The following SEC22C variants were observed in gnomAD, a reference collection of about 807,000 sequenced individuals.
The protein encoded by SEC22C is vesicle-trafficking protein SEC22c.
A neutral mutation model predicts 34.7 loss-of-function variants in SEC22C; 29 were observed. That is an observed-to-expected ratio of 0.84 (90% CI 0.62 to 1.14). SEC22C has a LOEUF of 1.14. Ranked by LOEUF, SEC22C falls within the 50% of genes most tolerant of loss-of-function variation. SEC22C has a pLI of 0.00. For synonymous variants in SEC22C, 117 were observed against 132.8 expected (o/e 0.88, Z 0.82); for missense variants, 337 against 369.0 (o/e 0.91, Z 0.71).
chr3:42,600,950 C>T (rs573986877), intron 1 of SEC22C: 259 of 1,438,268 alleles, frequency 1.8e-4, no homozygotes, highest in Non-Finnish European at 2.3e-4. Flanking sequence ...GCCCTCGCCC[C>T]TGCCCTGACC....
chr3:42,565,805 G>A (rs1703202603), intron 2 of SEC22C: 1 of 435,774 alleles, frequency 2.3e-6, no homozygotes, highest in Non-Finnish European at 4.5e-6. Flanking sequence ...GTTGTTTGAA[G>A]CCAGTTTGTG....
intron 1 of SEC22C, chr3:42,594,633 C>G: frequency 1.4e-6 from 1 of 736,222 alleles, no homozygotes. Flanking sequence ...ATGAATGAAA[C>G]CTCTGTGGCT....
chr3:42,574,689 C>T (rs1193359947), intron 1 of SEC22C, among the ~76,000 whole-genome samples: 1 of 152,168 alleles, frequency 6.6e-6, no homozygotes. Context: ...AAAGTTTCTA[C>T]ATTTCATTTG....
At chr3:42,565,649 C>A in intron 2 of SEC22C, 1 of 272,128 alleles carries the variant, frequency 3.7e-6, no homozygotes, top group South Asian at 3.5e-5. Flanking sequence ...ACCATGGAGA[C>A]AGAGCCTGCA....
At chr3:42,553,542 T>C in intron 6 of SEC22C, 94 bp from the exon 7 acceptor site, 1 of 1,490,332 alleles carries the variant, frequency 6.7e-7, no homozygotes. Context: ...ATGAAGAGTG[T>C]CATTTCTCTC....
rs1702135966 is a variant in SEC22C at position 42,549,303 on chromosome 3, C to G, written c.*3945G>C. On this transcript the variant is annotated 3_prime_UTR_variant, in exon 7 of 7. Transcript: ENST00000264454. Reference sequence around the variant, plus strand: ...CCTCACTTGTGCTGCACTATGCAAGCAAGCAGCAGGTTCTCAGAAGGCCAC... The same window carrying G: ...CCTCACTTGTGCTGCACTATGCAAGGAAGCAGCAGGTTCTCAGAAGGCCAC... The G allele has an allele frequency of 1.0e-6, 1 of 985,568 alleles. No individual in the cohort carries two copies. Among genetic ancestry groups the G allele is most frequent in the Non-Finnish European group, 1.2e-6 (1 of 830,118 alleles). 61.1% of individuals were successfully genotyped at this position (985,568 alleles called of 1,614,324 possible). A position where few individuals can be genotyped will look rare whatever the true frequency, so the allele number is the denominator to read the frequency against.
chr3:42,594,643 T>A (rs1704974386), intron 1 of SEC22C: 3 of 670,840 alleles, frequency 4.5e-6, no homozygotes, highest in African/African-American at 3.6e-5. Flanking sequence ...CCTCTGTGGC[T>A]CTTTCGAAAC....
intron 1 of SEC22C, among the ~76,000 whole-genome samples, chr3:42,590,160 T>C (rs1704769197): frequency 6.6e-6 from 1 of 152,220 alleles, no homozygotes; most frequent in South Asian, 2.1e-4. Context: ...CGCGAATTTC[T>C]CGTTCAGCAA....
At chr3:42,579,067 C>T (rs1053711484) in intron 1 of SEC22C, among the ~76,000 whole-genome samples, 2 of 152,098 alleles carry the variant, frequency 1.3e-5, no homozygotes, top group Non-Finnish European at 2.9e-5. Flanking sequence ...CACCTGAGGT[C>T]GGGAGTTCGA....
Position 42,549,733 on chromosome 3 carries a change from T to C in SEC22C, c.*3515A>G. The C allele has an allele frequency of 1.0e-6, 1 of 985,518 alleles. No homozygotes were observed. The highest frequency in any genetic ancestry group is 4.7e-5 in the South Asian group (1 of 21,286). 61.0% of individuals were successfully genotyped at this position (985,518 alleles called of 1,614,324 possible). Reference sequence around the variant, plus strand: ...AGACTCTGTCTCCAGAGCTGGAATGTATAGGGCAGAGGTAGAAAGAGGCAG... The same window carrying C: ...AGACTCTGTCTCCAGAGCTGGAATGCATAGGGCAGAGGTAGAAAGAGGCAG... On this transcript the variant is annotated 3_prime_UTR_variant, in exon 7 of 7. Transcript: ENST00000264454.
chr3:42,588,669 G>A (rs1704705588), intron 1 of SEC22C, among the ~76,000 whole-genome samples: 1 of 152,018 alleles, frequency 6.6e-6, no homozygotes, highest in Admixed American at 6.5e-5. Flanking sequence ...GGTGGTTCAT[G>A]CCCATAATCC....
chr3:42,571,344 C>G (rs1298412334), intron 1 of SEC22C, among the ~76,000 whole-genome samples: 1 of 152,156 alleles, frequency 6.6e-6, no homozygotes, highest in Non-Finnish European at 1.5e-5. Flanking sequence ...TCAGTTCTAT[C>G]AAGTTACTAG....
chr3:42,591,049 T>C (rs1324098928), intron 1 of SEC22C: 4 of 1,447,126 alleles, frequency 2.8e-6, no homozygotes, highest in Non-Finnish European at 3.8e-6. Context: ...CATCCTGTAG[T>C]GAGCGGCCTC....
At chr3:42,554,730 G>T (rs1559510493) in intron 6 of SEC22C, among the ~76,000 whole-genome samples, 1 of 152,096 alleles carries the variant, frequency 6.6e-6, no homozygotes, top group South Asian at 2.1e-4. Flanking sequence ...TAAAAAAAGG[G>T]AGAAAAAATA....
intron 1 of SEC22C, chr3:42,581,484 T>G (rs1704344620): frequency 6.6e-6 from 1 of 152,290 alleles, no homozygotes; most frequent in South Asian, 2.1e-4. Flanking sequence ...AGTTTGCTAT[T>G]CAGATTAAAC....
upstream of SEC22C, among the ~76,000 whole-genome samples, chr3:42,583,355 T>C (rs1392397625): frequency 2.6e-5 from 4 of 152,172 alleles, no homozygotes; most frequent in East Asian, 1.9e-4. Flanking sequence ...GCAAAATCAA[T>C]AGGACTTGGT....
At chr3:42,580,238 A>G (rs1704240862) in intron 1 of SEC22C, among the ~76,000 whole-genome samples, 1 of 152,186 alleles carries the variant, frequency 6.6e-6, no homozygotes, top group Non-Finnish European at 1.5e-5. Flanking sequence ...AGAGAGGCTG[A>G]GAGAGACAGA....
chr3:42,600,371 T>G (rs1399370062), intron 1 of SEC22C: 2 of 152,144 alleles, frequency 1.3e-5, no homozygotes, highest in Non-Finnish European at 2.9e-5. Flanking sequence ...AACAGAGAAG[T>G]CTCGCGGTAT....
intron 1 of SEC22C, chr3:42,590,843 C>G: frequency 1.3e-6 from 2 of 1,577,308 alleles, no homozygotes; most frequent in Non-Finnish European, 1.7e-6. Context: ...GAGCGTAGGC[C>G]CCACCTATCG....
Sources: gnomAD v4.1 joint callset for allele counts (sites outside exome capture counted in the v4.1 genomes callset) on GRCh38, gnomAD v4.1.1 for gene constraint, MANE v1.5 for transcripts, NCBI Gene and HGNC (gene_info 2026-07-23, HGNC 2026-07-21) for gene names.